Variants in MUC3A observed in about 807,000 individuals in gnomAD.
MUC3A encodes mucin 3A, cell surface associated, also known as mucin-3A.
MUC3A carries 109 observed loss-of-function variants against 109.0 expected under a neutral mutation model. The observed-to-expected ratio is 1.00, with a 90% CI of 0.86 to 1.17. The LOEUF is 1.17. MUC3A is among the 50% of genes most tolerant of loss of function. MUC3A has a pLI of 0.00. For synonymous variants in MUC3A, 1,398 were observed against 981.4 expected (o/e 1.42, Z -7.93); for missense variants, 3,537 against 2,469.4 (o/e 1.43, Z -9.16).
Position 100,960,374 on chromosome 7 carries a change from A to C in MUC3A, c.8595A>C (p.Arg2865=). ...CAAACACAGTTTTCACAAGTACTCGACTGCCCACCAGTGAGACCTGGCTGA... is the reference window on the plus strand; with the variant it reads ...CAAACACAGTTTTCACAAGTACTCGCCTGCCCACCAGTGAGACCTGGCTGA... ...VPTNTVFTST[R]LPTSETWLSN... Residue 2865 remains arginine (R), a synonymous_variant, in exon 2 of 12, where the codon CGA becomes CGC. Transcript: ENST00000379458. 6.3e-7 allele frequency: 1 copy of C among 1,598,546 alleles called. No individual in the cohort carries two copies. The highest frequency in any genetic ancestry group is 8.5e-7 in the Non-Finnish European group (1 of 1,179,832).
chr7:100,967,202 C>G lies in MUC3A; in HGVS notation c.*40C>G. The stretch of plus-strand genomic sequence containing the variant: ...CTTCACCACCCCCTCCGCCCTGCCC[C>G]GGACACAAGGGTCTGCATTGCGTCC... On this transcript the variant is annotated 3_prime_UTR_variant, in exon 12 of 12. Transcript: ENST00000379458. 4 of 1,598,116 alleles carry G rather than the reference C, an allele frequency of 2.5e-6. No individual in the cohort carries two copies. The highest frequency in any genetic ancestry group is 3.4e-6 in the Non-Finnish European group (4 of 1,179,626).
Position 100,966,908 on chromosome 7 carries a change from C to G in MUC3A, c.9887C>G (p.Thr3296Arg), listed in dbSNP as rs1323120071. 2 of 1,598,424 alleles carry G rather than the reference C, an allele frequency of 1.3e-6. No individual in the cohort carries two copies. Among genetic ancestry groups the G allele is most frequent in the Non-Finnish European group, 1.7e-6 (2 of 1,179,828 alleles). ...TCCTCTCTCTCTCTAGACAAGGATA[C>G]AAATTTCTATGTGGCCTTGGAGAAC... ...GFEDDGTDKD[T>R]NFYVALENVD... Residue 3296 changes from threonine to arginine, a missense_variant, in exon 11 of 12, where the codon ACA becomes AGA. Thr to Arg is a moderately conservative substitution (Grantham distance 71, BLOSUM62 -1). Transcript: ENST00000379458.
chr7:100,965,543 G>T, intron 7 of MUC3A, 161 bp from the exon 8 acceptor site: 1 of 1,410,358 alleles, frequency 7.1e-7, no homozygotes, highest in Non-Finnish European at 9.5e-7. Context: ...GGGTGAGGGT[G>T]CTGCGGGTGG....
In MUC3A at chr7:100,960,117, G is replaced by C; in HGVS notation, c.8338G>C (p.Ala2780Pro). The C allele has an allele frequency of 6.5e-7, 1 of 1,539,352 alleles. No homozygotes were observed. The highest frequency in any genetic ancestry group is 8.7e-7 in the Non-Finnish European group (1 of 1,150,050). Reference sequence around the variant, plus strand: ...AACTATAACAATTACCATAGTCCCTGCCTCCCCCACTGATCCATGTGTTGA... The same window carrying C: ...AACTATAACAATTACCATAGTCCCTCCCTCCCCCACTGATCCATGTGTTGA... ...PGTITITIVP[A>P]SPTDPCVEMD... Residue 2780 changes from alanine to proline, a missense_variant, in exon 2 of 12, where the codon GCC becomes CCC. Ala to Pro is a conservative substitution (Grantham distance 27, BLOSUM62 -1). Coordinates refer to ENST00000379458, the MANE Select transcript of MUC3A (RefSeq NM_005960.2).
intron 11 of MUC3A, 37 bp from the exon 12 acceptor site, chr7:100,967,084 G>T: frequency 6.3e-7 from 1 of 1,598,536 alleles, no homozygotes. Flanking sequence ...CCAAACCAGT[G>T]GCTCCGCGTT....
At position 100,967,121 on chromosome 7, in the gene MUC3A, G is replaced by C; in HGVS notation, c.9931G>C (p.Val3311Leu). The C allele has an allele frequency of 6.3e-7, 1 of 1,598,552 alleles. No homozygotes were observed. Among genetic ancestry groups the C allele is most frequent in the Non-Finnish European group, 8.5e-7 (1 of 1,179,826 alleles). Reference sequence around the variant, plus strand: ...CCGTCCCTCACTGTGACTCTGACAGGTGCACATCAAGAGACCCGAGATGAC... The same window carrying C: ...CCGTCCCTCACTGTGACTCTGACAGCTGCACATCAAGAGACCCGAGATGAC... Reference protein sequence around the residue: ...ALENVDTTMKVHIKRPEMTSS... With the variant: ...ALENVDTTMKLHIKRPEMTSS... The change falls in exon 12 of 12, where the codon GTG (valine) becomes CTG (leucine). Residue 3311 changes from valine to leucine, a missense_variant and splice_region_variant. Coordinates refer to ENST00000379458, the MANE Select transcript of MUC3A (RefSeq NM_005960.2).
At position 100,959,149 on chromosome 7, in the gene MUC3A, C is replaced by T. The variant is rs1343867320; in HGVS notation, c.7370C>T (p.Thr2457Ile). 1.3e-6 allele frequency: 2 copies of T among 1,598,412 alleles called. No homozygotes were observed. The highest frequency in any genetic ancestry group is 1.7e-6 in the Non-Finnish European group (2 of 1,179,822). Residue 2457 changes from threonine (T) to isoleucine (I), a missense_variant, in exon 2 of 12, where the codon ACT (threonine) becomes ATT (isoleucine). Thr to Ile is a moderately conservative substitution (Grantham distance 89, BLOSUM62 -1). Coordinates refer to ENST00000379458, the MANE Select transcript of MUC3A (RefSeq NM_005960.2). ...TACTCCACAGTCAGCACATCCACAA[C>T]TGCCATCACCTCACATTTTACTACC... is the stretch of plus-strand genomic sequence containing the variant. ...TIYSTVSTST[T>I]AITSHFTTSE...
Position 100,963,742 on chromosome 7 carries a change from C to G in MUC3A, c.9223C>G (p.Leu3075Val). 1.9e-6 allele frequency: 3 copies of G among 1,598,568 alleles called. No individual in the cohort carries two copies. The highest frequency in any genetic ancestry group is 2.2e-5 in the South Asian group (2 of 91,090). Reference protein sequence around the residue: ...QGFTFKGVEILSLRNGSIVVD... With the variant: ...QGFTFKGVEIVSLRNGSIVVD... ...CTTCACCTTCAAGGGTGTGGAGATC[C>G]TGTCCCTGAGGTAGGAGACCCATCT... The change falls in exon 5 of 12, where the codon CTG (leucine) becomes GTG (valine). Residue 3075 changes from leucine to valine, a missense_variant. By Grantham distance (32) the Leu-to-Val change is conservative. Transcript: ENST00000379458.
chr7:100,963,839 A>G (rs1310177254), intron 5 of MUC3A, 87 bp downstream of exon 5: 4 of 1,562,688 alleles, frequency 2.6e-6, no homozygotes, highest in East Asian at 2.3e-5. Flanking sequence ...TTTTGTAATC[A>G]TCAGATTTTA....
intron 6 of MUC3A, 113 bp from the exon 7 acceptor site, chr7:100,965,169 C>A (rs1229757568): frequency 5.4e-6 from 8 of 1,486,792 alleles, no homozygotes; most frequent in Admixed American, 3.9e-5. Flanking sequence ...CTCTCCCAGA[C>A]GGAGAGAGCC....
Position 100,952,055 on chromosome 7 carries a change from CA to C in MUC3A, c.278del (p.Asn93ThrfsTer43). On this transcript the variant is annotated frameshift_variant, in exon 2 of 12. Transcript: ENST00000379458. LOFTEE classifies it high-confidence loss of function. ...ACACACTCATCTCTGAAACATTGCT[CA>C]ACTCTCCAGTCAGTTCCAACACCTC... ...HDTLISETLL[N>X]SPVSSNTSTT... The C allele has an allele frequency of 1.3e-6, 2 of 1,598,686 alleles. No homozygotes were observed. Among genetic ancestry groups the C allele is most frequent in the Non-Finnish European group, 1.7e-6 (2 of 1,179,812 alleles).
In MUC3A at chr7:100,960,390, A is replaced by T. The variant is rs756463568; in HGVS notation, c.8611A>T (p.Thr2871Ser). Residue 2871 changes from threonine to serine, a missense_variant, in exon 2 of 12, where the codon ACC becomes TCC. Transcript: ENST00000379458. ...FTSTRLPTSE[T>S]WLSNSSVIPL... ...AAGTACTCGACTGCCCACCAGTGAG[A>T]CCTGGCTGAGCAACAGTTCTGTGAT... The T allele has an allele frequency of 6.3e-7, 1 of 1,598,546 alleles. No individual in the cohort carries two copies. Among genetic ancestry groups the T allele is most frequent in the Admixed American group, 1.7e-5 (1 of 60,032 alleles).
At chr7:100,965,060 G>A in intron 6 of MUC3A, 3 of 1,028,454 alleles carry the variant, frequency 2.9e-6, no homozygotes, top group Non-Finnish European at 4.1e-6. Context: ...GATTGTCATG[G>A]TCAGCATTTC....
rs1792290017 is a variant in MUC3A at position 100,960,565 on chromosome 7, C to G, written c.8786C>G (p.Thr2929Ser). 4.4e-6 allele frequency: 7 copies of G among 1,598,702 alleles called. No individual in the cohort carries two copies. The South Asian group carries it at 6.6e-5, about 15-fold the overall frequency. Residue 2929 changes from threonine to serine, a missense_variant, in exon 2 of 12, where the codon ACT becomes AGT. By Grantham distance (58) the Thr-to-Ser change is moderately conservative (BLOSUM62 1). Coordinates refer to ENST00000379458, the MANE Select transcript of MUC3A (RefSeq NM_005960.2). ...GAGACACCAGTGGCCACTACCCAGA[C>G]TCCTACCACCCTTACATCACGCAGG... ...TSETPVATTQ[T>S]PTTLTSRRTT...
intron 8 of MUC3A, 174 bp downstream of exon 8, chr7:100,966,040 C>A: frequency 2.6e-6 from 2 of 782,038 alleles, no homozygotes; most frequent in Non-Finnish European, 3.9e-6. Context: ...TGCCCTGGAG[C>A]TCTGCTCCTT....
rs1792149463 is a variant in MUC3A, at chr7:100,958,100, T to C, written c.6321T>C (p.Thr2107=). The change falls in exon 2 of 12, where the codon ACT becomes ACC. Residue 2107 remains threonine (T), a synonymous_variant. Coordinates refer to ENST00000379458, the MANE Select transcript of MUC3A (RefSeq NM_005960.2). ...ITTTETTSHS[T]PSFTSSITTS... ...CCACTGAGACCACCTCACACAGTACTCCCAGCTTCACTTCCTCAATCACCA... is the reference window on the plus strand; with the variant it reads ...CCACTGAGACCACCTCACACAGTACCCCCAGCTTCACTTCCTCAATCACCA... 7.2e-7 allele frequency: 1 copy of C among 1,397,296 alleles called. No homozygotes were observed. 86.6% of individuals were successfully genotyped at this position (1,397,296 alleles called of 1,614,324 possible).
rs1194973070 is a variant in MUC3A, at chr7:100,956,199, G to A, written c.4420G>A (p.Glu1474Lys). ...YPSSPTSTVTESTTEITYPTT... is the reference protein window; with the variant it reads ...YPSSPTSTVTKSTTEITYPTT... ...TAGTTCTCCCACAAGCACTGTCACAGAGTCCACAACTGAAATCACCTATCC... is the reference window on the plus strand; with the variant it reads ...TAGTTCTCCCACAAGCACTGTCACAAAGTCCACAACTGAAATCACCTATCC... The change falls in exon 2 of 12, where the codon GAG becomes AAG. Residue 1474 changes from glutamate (E) to lysine (K), a missense_variant. Coordinates refer to ENST00000379458, the MANE Select transcript of MUC3A (RefSeq NM_005960.2). 1.1e-5 allele frequency: 5 copies of A among 444,014 alleles called. No individual in the cohort carries two copies. Among genetic ancestry groups the A allele is most frequent in the African/African-American group, 2.1e-5 (1 of 48,682 alleles). The allele number at this position is 444,014 out of a possible 1,614,324, so 27.5% of individuals were successfully genotyped here.
Position 100,963,713 on chromosome 7 carries a change from A to C in MUC3A, c.9194A>C (p.Gln3065Pro). The C allele has an allele frequency of 6.3e-7, 1 of 1,598,530 alleles. No homozygotes were observed. ...NQMQKIFADM[Q>P]GFTFKGVEIL... Reference sequence around the variant, plus strand: ...ATGCAGAAGATTTTTGCAGACATGCAGGGCTTCACCTTCAAGGGTGTGGAG... The same window carrying C: ...ATGCAGAAGATTTTTGCAGACATGCCGGGCTTCACCTTCAAGGGTGTGGAG... The change falls in exon 5 of 12, where the codon CAG becomes CCG. Residue 3065 changes from glutamine to proline, a missense_variant. By Grantham distance (76) the Gln-to-Pro change is moderately conservative. Transcript: ENST00000379458.
In MUC3A at chr7:100,966,851, C is replaced by T. The variant is rs966693117; in HGVS notation, c.9878-48C>T. 3.8e-6 allele frequency: 6 copies of T among 1,598,312 alleles called. No homozygotes were observed. In the Admixed American group the frequency reaches 6.7e-5, roughly 18 times the overall value. On this transcript the variant is annotated intron_variant, in intron 10 of 11. Transcript: ENST00000379458. ...ATTTACTCCGTCCCCCTCTCCCTTCCGTCCCCTCCCTCTCCCCTTCTCTTT... is the reference window on the plus strand; with the variant it reads ...ATTTACTCCGTCCCCCTCTCCCTTCTGTCCCCTCCCTCTCCCCTTCTCTTT...
Sources: gnomAD v4.1 joint callset for allele counts on GRCh38, gnomAD v4.1.1 for gene constraint, MANE v1.5 for transcripts, NCBI Gene and HGNC (gene_info 2026-07-23, HGNC 2026-07-21) for gene names.